Variants in TAFA1 observed in about 807,000 individuals in gnomAD.
TAFA1 encodes the protein TAFA chemokine like family member 1, also known as chemokine-like protein TAFA-1.
In TAFA1, 4 loss-of-function variants were observed where a neutral mutation model predicts 18.5. The ratio of observed to expected loss-of-function variants is 0.22; its 90% CI spans 0.11 to 0.49. The LOEUF (loss-of-function observed/expected upper bound fraction) is 0.49. TAFA1 is among the 20% of genes least tolerant of loss of function. The pLI, the probability that TAFA1 is intolerant of heterozygous loss-of-function variation, is 0.98. For missense variants in TAFA1, 147 were observed against 169.0 expected (o/e 0.87, Z 0.72); for synonymous variants, 56 against 55.2 (o/e 1.01, Z -0.06).
rs149912969 is a variant in TAFA1, at chr3:68,057,763, A to G, written c.118+51019A>G. On this transcript the variant is annotated intron_variant, in intron 2 of 4. Transcript: ENST00000478136. ...TAAGTGAAAGATACAGCCTCCAGTG[A>G]GAGTCAGAGAAGGAAATGTGACGAC... Among the ~76,000 whole-genome samples the G allele has an allele frequency of 2.2e-4, 34 of 152,324 alleles. No homozygotes were observed. In the East Asian group the frequency reaches 6.6e-3, roughly 29 times the overall value.
At chr3:68,323,379 G>A (rs1419195437) in intron 2 of TAFA1, among the ~76,000 whole-genome samples, 9 of 152,172 alleles carry the variant, frequency 5.9e-5, no homozygotes, top group Admixed American at 1.3e-4. Flanking sequence ...CAGGAAAGAG[G>A]AGCCAACACA....
At chr3:68,090,009 C>G (rs2065013457) in intron 2 of TAFA1, among the ~76,000 whole-genome samples, 1 of 152,126 alleles carries the variant, frequency 6.6e-6, no homozygotes, top group African/African-American at 2.4e-5. Context: ...ATGACCAAGA[C>G]TTTGCAGTTG....
At chr3:68,356,946 T>G (rs1188777778) in intron 2 of TAFA1, among the ~76,000 whole-genome samples, 2 of 151,916 alleles carry the variant, frequency 1.3e-5, no homozygotes, top group African/African-American at 4.8e-5. Context: ...CCCAAGTCTC[T>G]CTAGTATCAC....
chr3:68,287,864 G>A (rs2068039222), intron 2 of TAFA1, among the ~76,000 whole-genome samples: 1 of 130,736 alleles, frequency 7.6e-6, no homozygotes, highest in Non-Finnish European at 1.6e-5. Flanking sequence ...TCTTTCAACA[G>A]GCTTACTTCT....
At chr3:68,513,121 T>G (rs534812961) in intron 3 of TAFA1, among the ~76,000 whole-genome samples, 1 of 152,238 alleles carries the variant, frequency 6.6e-6, no homozygotes, top group Admixed American at 6.5e-5. Flanking sequence ...CCAGGTTTTT[T>G]TATGATTCCA....
At position 68,066,318 on chromosome 3, in the gene TAFA1, T is replaced by C. The variant is rs79820367; in HGVS notation, c.118+59574T>C. ...TTCCATGAGAGCAGATAAGTTTATCTTTGGTCCAGTGCTATATTCCAGCTT... is the reference window on the plus strand; with the variant it reads ...TTCCATGAGAGCAGATAAGTTTATCCTTGGTCCAGTGCTATATTCCAGCTT... On this transcript the variant is annotated intron_variant, in intron 2 of 4. Coordinates refer to ENST00000478136, the MANE Select transcript of TAFA1 (RefSeq NM_213609.4). 2.5e-3 allele frequency among the ~76,000 whole-genome samples: 378 copies of C among 152,308 alleles called. 1 individual carries two copies. Among genetic ancestry groups the C allele is most frequent in the African/African-American group, 8.5e-3 (354 of 41,594 alleles).
chr3:68,370,353 T>TATAC (rs776307736), intron 2 of TAFA1, among the ~76,000 whole-genome samples: 140 of 41,094 alleles, frequency 3.4e-3, no homozygotes, highest in African/African-American at 8.9e-3. Flanking sequence ...TATATATATA[T>TATAC]ACACACACAC....
At chr3:68,380,526 G>A (rs1339325818) in intron 2 of TAFA1, among the ~76,000 whole-genome samples, 2 of 152,168 alleles carry the variant, frequency 1.3e-5, no homozygotes, top group Non-Finnish European at 2.9e-5. Flanking sequence ...CAGTGATGAT[G>A]AGCATTTTTT....
At chr3:68,113,615 C>T (rs576135309) in intron 2 of TAFA1, among the ~76,000 whole-genome samples, 11 of 152,128 alleles carry the variant, frequency 7.2e-5, no homozygotes, top group Non-Finnish European at 1.0e-4. Context: ...AAGGTTCTCA[C>T]GGCATGGAAG....
intron 2 of TAFA1, among the ~76,000 whole-genome samples, chr3:68,275,488 G>A (rs1035176398): frequency 4.1e-5 from 6 of 146,854 alleles, no homozygotes; most frequent in African/African-American, 1.5e-4. Flanking sequence ...CCAAGGCCTT[G>A]TAAGATTAGG....
chr3:68,516,836 G>A (rs1280114096), intron 3 of TAFA1, among the ~76,000 whole-genome samples: 1 of 152,040 alleles, frequency 6.6e-6, no homozygotes, highest in Non-Finnish European at 1.5e-5. Context: ...GTGCAATGGA[G>A]CATCTCAGCT....
intron 2 of TAFA1, chr3:68,145,429 A>T (rs1010717770): frequency 1.4e-5 from 12 of 850,188 alleles, no homozygotes; most frequent in Middle Eastern, 2.2e-4. Flanking sequence ...TTCCTATAGA[A>T]GAGGCTGTGA....
Position 68,358,616 on chromosome 3 carries a change from C to G in TAFA1, c.119-58664C>G, listed in dbSNP as rs556272617. On this transcript the variant is annotated intron_variant, in intron 2 of 4. Coordinates refer to ENST00000478136, the MANE Select transcript of TAFA1 (RefSeq NM_213609.4). ...CTCCAAGGTAGACTGATTGTCTTTC[C>G]CCCATACCGCAAATCTATGGTCTAC... 2.0e-5 allele frequency among the ~76,000 whole-genome samples: 3 copies of G among 152,010 alleles called. No individual in the cohort carries two copies. In the South Asian group the frequency reaches 6.2e-4, roughly 32 times the overall value.
chr3:68,127,997 T>C (rs2065491612), intron 2 of TAFA1, among the ~76,000 whole-genome samples: 1 of 152,080 alleles, frequency 6.6e-6, no homozygotes. Flanking sequence ...GTATTGGTAA[T>C]AATAATGATA....
intron 2 of TAFA1, among the ~76,000 whole-genome samples, chr3:68,113,897 GTTTTTTT>G (rs35158174): frequency 2.8e-4 from 5 of 18,054 alleles, no homozygotes; most frequent in African/African-American, 5.5e-4. Flanking sequence ...AGTTTTTTTT[GTTTTTTT>G]TTTTTTTTTT....
At chr3:68,463,748 GT>G (rs1020934582) in intron 3 of TAFA1, among the ~76,000 whole-genome samples, 1 of 151,708 alleles carries the variant, frequency 6.6e-6, no homozygotes, top group African/African-American at 2.4e-5. Flanking sequence ...ACAGTTTTTT[GT>G]TTTTTTTATA....
intron 2 of TAFA1, among the ~76,000 whole-genome samples, chr3:68,125,841 T>C (rs2065458006): frequency 6.6e-6 from 1 of 152,084 alleles, no homozygotes; most frequent in Non-Finnish European, 1.5e-5. Flanking sequence ...TGAGTGTGCT[T>C]AGCCTGTGTG....
At chr3:68,508,285 G>A (rs1288787731) in intron 3 of TAFA1, among the ~76,000 whole-genome samples, 1 of 151,674 alleles carries the variant, frequency 6.6e-6, no homozygotes, top group Non-Finnish European at 1.5e-5. Context: ...CTGCCAGATT[G>A]GTGATTAGGG....
chr3:68,151,749 C>T (rs138021837), intron 2 of TAFA1, among the ~76,000 whole-genome samples: 50 of 152,214 alleles, frequency 3.3e-4, no homozygotes, highest in African/African-American at 1.0e-3. Context: ...TAATCAACAC[C>T]GTTGCATTAG....
Sources: gnomAD v4.1 joint callset for allele counts (sites outside exome capture counted in the v4.1 genomes callset) on GRCh38, gnomAD v4.1.1 for gene constraint, MANE v1.5 for transcripts, NCBI Gene and HGNC (gene_info 2026-07-23, HGNC 2026-07-21) for gene names.